Variants in CEP295 observed in about 807,000 individuals in gnomAD.
CEP295 encodes centrosomal protein 295.
CEP295 carries 190 observed loss-of-function variants against 291.6 expected under a neutral mutation model. The ratio of observed to expected loss-of-function variants is 0.65; its 90% CI spans 0.58 to 0.73. The LOEUF (loss-of-function observed/expected upper bound fraction) is 0.73. CEP295 is among the 30% of genes least tolerant of loss of function. The probability of loss-of-function intolerance (pLI) is 0.00; values close to 1 mark genes in which losing one functional copy is unlikely to be tolerated. For missense variants in CEP295, 2,863 were observed against 2,949.4 expected, an observed-to-expected ratio of 0.97 and a Z score of 0.68; for synonymous variants, 993 against 1,038.8, an observed-to-expected ratio of 0.96 and a Z score of 0.85.
At chr11:93,706,934 GGA>G in intron 18 of CEP295, 37 bp downstream of exon 18, 1 of 1,445,398 alleles carries the variant, frequency 6.9e-7, no homozygotes, top group Non-Finnish European at 9.3e-7. Context: ...GTATGCACAA[GGA>G]TATGTGGACA....
In CEP295 at chr11:93,727,600, C is replaced by T; in HGVS notation, c.7124C>T (p.Ser2375Phe). Reference protein sequence around the residue: ...QLGESELFASSGSFSLQSSIP... With the variant: ...QLGESELFASFGSFSLQSSIP... ...GGAGAATCAGAGCTTTTTGCAAGTT[C>T]TGGATCATTTTCATTACAGAGCTCT... is the stretch of plus-strand genomic sequence containing the variant. Residue 2375 changes from serine to phenylalanine, a missense_variant, in exon 24 of 30, where the codon TCT becomes TTT. This residue lies in a region of CEP295 where 2,295 missense variants were observed against 2,335.7 expected (regional missense o/e 0.98). Coordinates refer to ENST00000325212, the MANE Select transcript of CEP295 (RefSeq NM_033395.2). 1.9e-6 allele frequency: 3 copies of T among 1,549,972 alleles called. No individual in the cohort carries two copies. The highest frequency in any genetic ancestry group is 2.6e-6 in the Non-Finnish European group (3 of 1,146,488).
chr11:93,728,571 A>T (rs1389496278), intron 24 of CEP295, 110 bp from the exon 25 acceptor site: 1 of 863,456 alleles, frequency 1.2e-6, no homozygotes, highest in African/African-American at 1.8e-5. Context: ...TTCTTCCTCC[A>T]TTTTCACATT....
intron 6 of CEP295, among the ~76,000 whole-genome samples, chr11:93,678,643 C>T (rs956785292): frequency 1.3e-5 from 2 of 152,126 alleles, no homozygotes; most frequent in Non-Finnish European, 2.9e-5. Context: ...AAAAGTAAAT[C>T]CAGGCTGGAT....
chr11:93,693,778 G>T, intron 12 of CEP295, among the ~76,000 whole-genome samples: 1 of 152,020 alleles, frequency 6.6e-6, no homozygotes, highest in East Asian at 1.9e-4. Context: ...AAGAAAAAAA[G>T]AAAAATTTCT....
rs568540537 is a variant in CEP295 at position 93,699,791 on chromosome 11, A to C, written c.4879A>C (p.Asn1627His). ...YEKPQEELSL[N>H]KQRKLNKSES... ...GAAACCCCAGGAAGAACTGTCTTTA[A>C]ACAAACAAAGAAAGTTGAACAAAAG... is the stretch of plus-strand genomic sequence containing the variant. Residue 1627 changes from asparagine (N) to histidine (H), a missense_variant, in exon 15 of 30, where the codon AAC becomes CAC. Coordinates refer to ENST00000325212, the MANE Select transcript of CEP295 (RefSeq NM_033395.2). 6.4e-7 allele frequency: 1 copy of C among 1,552,230 alleles called. No homozygotes were observed. The highest frequency in any genetic ancestry group is 1.4e-5 in the African/African-American group (1 of 73,188).
rs933469923 is a variant in CEP295 at position 93,723,100 on chromosome 11, G to A, written c.6007G>A (p.Glu2003Lys). Residue 2003 changes from glutamate to lysine, a missense_variant, in exon 21 of 30, where the codon GAA (glutamate) becomes AAA (lysine). Physicochemically the swap from Glu to Lys is moderately conservative, Grantham distance 56 (BLOSUM62 1). Coordinates refer to ENST00000325212, the MANE Select transcript of CEP295 (RefSeq NM_033395.2). ...KQESTTSKEE[E>K]TNIISSIVPS... ...AGAATCTACCACCAGTAAAGAAGAG[G>A]AAACAAATATTATAAGTTCCATAGT... 1 of 1,551,254 alleles carries A rather than the reference G, an allele frequency of 6.4e-7. No individual in the cohort carries two copies. Among genetic ancestry groups the A allele is most frequent in the Non-Finnish European group, 8.7e-7 (1 of 1,146,642 alleles).
At chr11:93,707,697 C>T (rs927940605) in intron 18 of CEP295, among the ~76,000 whole-genome samples, 1 of 151,392 alleles carries the variant, frequency 6.6e-6, no homozygotes, top group Non-Finnish European at 1.5e-5. Flanking sequence ...TGCAGTGAGC[C>T]GAGATCAAGC....
In CEP295 at chr11:93,721,368, G is replaced by A; in HGVS notation, c.5806G>A (p.Glu1936Lys). 1 of 1,570,732 alleles carries A rather than the reference G, an allele frequency of 6.4e-7. No homozygotes were observed. The highest frequency in any genetic ancestry group is 8.7e-7 in the Non-Finnish European group (1 of 1,155,630). ...NHAVLSYAVEEEHAYLGPTVK... is the reference protein window; with the variant it reads ...NHAVLSYAVEKEHAYLGPTVK... ...TGCAGTGTTAAGTTATGCTGTGGAG[G>A]AAGAACATGCATATTTGGGTCCAAC... The change falls in exon 19 of 30, where the codon GAA becomes AAA. Residue 1936 changes from glutamate (E) to lysine (K), a missense_variant. Glu to Lys is a moderately conservative substitution (Grantham distance 56). Around this residue, in one of 3 missense-constraint regions of CEP295, gnomAD observed 2,295 missense variants for 2,335.7 expected, o/e 0.98. Coordinates refer to ENST00000325212, the MANE Select transcript of CEP295 (RefSeq NM_033395.2).
chr11:93,679,560 T>G lies in CEP295; in HGVS notation c.765+8T>G. Reference sequence around the variant, plus strand: ...AAGATCCATTTGGCTCAAGTAAGACTTATATTCTACCCATGACCATTACTC... The same window carrying G: ...AAGATCCATTTGGCTCAAGTAAGACGTATATTCTACCCATGACCATTACTC... On this transcript the variant is annotated splice_region_variant and intron_variant, in intron 7 of 29. Coordinates refer to ENST00000325212, the MANE Select transcript of CEP295 (RefSeq NM_033395.2). 1.0e-5 allele frequency: 16 copies of G among 1,550,092 alleles called. No homozygotes were observed. Among genetic ancestry groups the G allele is most frequent in the Non-Finnish European group, 1.4e-5 (16 of 1,146,110 alleles).
intron 23 of CEP295, among the ~76,000 whole-genome samples, chr11:93,726,330 C>T (rs1954133372): frequency 6.6e-6 from 1 of 152,190 alleles, no homozygotes; most frequent in South Asian, 2.1e-4. Flanking sequence ...GACAGGGTTT[C>T]ACTATGTTGG....
intron 1 of CEP295, among the ~76,000 whole-genome samples, chr11:93,662,305 T>C (rs906821927): frequency 5.3e-5 from 8 of 152,248 alleles, no homozygotes; most frequent in Non-Finnish European, 8.8e-5. Flanking sequence ...CTAAGTCACA[T>C]AGACGTCAGA....
intron 12 of CEP295, among the ~76,000 whole-genome samples, chr11:93,692,599 A>G (rs1434983686): frequency 2.6e-5 from 4 of 151,810 alleles, no homozygotes; most frequent in Non-Finnish European, 1.5e-5. Context: ...CTAGGACTAC[A>G]GGTATAGGCC....
chr11:93,687,585 A>T, intron 9 of CEP295, 59 bp from the exon 10 acceptor site: 1 of 892,156 alleles, frequency 1.1e-6, no homozygotes, highest in Non-Finnish European at 1.7e-6. Context: ...AAGATGGAAC[A>T]ATTTGCCTGG....
rs1362621549 is a variant in CEP295 at position 93,684,034 on chromosome 11, T to C, written c.1020T>C (p.Asp340=). The C allele has an allele frequency of 3.2e-6, 5 of 1,551,834 alleles. No homozygotes were observed. In the East Asian group the frequency reaches 7.3e-5, roughly 23 times the overall value. ...CCACTGTGACTAATCAGATCCAAGA[T>C]GAAGAGCTGGACCTTTCAATGGAAC... The part of the protein sequence containing the change: ...PLPTVTNQIQ[D]EELDLSMEQE... The change falls in exon 9 of 30, where the codon GAT becomes GAC. Residue 340 remains aspartate (D), a synonymous_variant. Transcript: ENST00000325212.
intron 22 of CEP295, among the ~76,000 whole-genome samples, chr11:93,725,398 T>C (rs776761200): frequency 6.6e-6 from 1 of 152,190 alleles, no homozygotes; most frequent in Admixed American, 6.5e-5. Flanking sequence ...TTTGCAAAAT[T>C]TAAAGTATCC....
At position 93,729,542 on chromosome 11, in the gene CEP295, A is replaced by G. The variant is rs1938071851; in HGVS notation, c.7399+12A>G. On this transcript the variant is annotated intron_variant, in intron 26 of 29. Transcript: ENST00000325212. ...GACAGCATCTACAGGTAAGCCTTGG[A>G]CGGCCTCCACACTTCTAATGGAAAG... The G allele has an allele frequency of 6.5e-7, 1 of 1,550,034 alleles. No individual in the cohort carries two copies. Among genetic ancestry groups the G allele is most frequent in the Admixed American group, 2.0e-5 (1 of 50,994 alleles).
chr11:93,699,180 A>G lies in CEP295; in HGVS notation c.4268A>G (p.Asn1423Ser). The change falls in exon 15 of 30, where the codon AAC becomes AGC. Residue 1423 changes from asparagine to serine, a missense_variant. By Grantham distance (46) the Asn-to-Ser change is conservative. Transcript: ENST00000325212. Reference sequence around the variant, plus strand: ...AGAAACCAAGAACCATGTTCAATTAACAGTGATAATATAGTATCCTCAGGT... The same window carrying G: ...AGAAACCAAGAACCATGTTCAATTAGCAGTGATAATATAGTATCCTCAGGT... Reference protein sequence around the residue: ...SERNQEPCSINSDNIVSSGHS... With the variant: ...SERNQEPCSISSDNIVSSGHS... The G allele has an allele frequency of 6.4e-7, 1 of 1,551,966 alleles. No individual in the cohort carries two copies. The highest frequency in any genetic ancestry group is 8.7e-7 in the Non-Finnish European group (1 of 1,147,032).
At chr11:93,694,962 A>G (rs563950732) in intron 12 of CEP295, among the ~76,000 whole-genome samples, 42 of 152,294 alleles carry the variant, frequency 2.8e-4, no homozygotes, top group Non-Finnish European at 4.3e-4. Flanking sequence ...GTGTGCTTGT[A>G]TAGTATTAGA....
Position 93,666,763 on chromosome 11 carries a change from C to A in CEP295, c.56C>A (p.Ala19Asp). The change falls in exon 2 of 30, where the codon GCC becomes GAC. Residue 19 changes from alanine to aspartate, a missense_variant. By Grantham distance (126) the Ala-to-Asp change is moderately radical. Coordinates refer to ENST00000325212, the MANE Select transcript of CEP295 (RefSeq NM_033395.2). ...CTGAGATTGAGTCCTAATGAGGAAG[C>A]CTTCATTTTGAAGGAAGATTATGAA... ...HKLRLSPNEEAFILKEDYERR... is the reference protein window; with the variant it reads ...HKLRLSPNEEDFILKEDYERR... 1 of 1,547,930 alleles carries A rather than the reference C, an allele frequency of 6.5e-7. No individual in the cohort carries two copies.
Sources: allele counts gnomAD v4.1 joint callset (sites outside exome capture counted in the v4.1 genomes callset), GRCh38; gene constraint gnomAD v4.1.1; regional missense constraint gnomAD v4.1.1; transcripts MANE v1.5; gene names NCBI Gene and HGNC (gene_info 2026-07-23, HGNC 2026-07-21).